The following KDM5A variants were observed in gnomAD, a reference collection of about 807,000 sequenced individuals.
KDM5A encodes lysine demethylase 5A.
A neutral mutation model predicts 193.5 loss-of-function variants in KDM5A; 42 were observed. That is an observed-to-expected ratio of 0.22 (90% confidence interval 0.17 to 0.28). The LOEUF is 0.28. Among genes scored for constraint, KDM5A ranks in the 10% least tolerant of loss-of-function variants. The probability of loss-of-function intolerance (pLI) is 1.00; values close to 1 mark genes in which losing one functional copy is unlikely to be tolerated. For synonymous variants in KDM5A, 796 were observed against 718.1 expected, an observed-to-expected ratio of 1.11 and a Z score of -1.73; for missense variants, 1,692 against 2,055.1, an observed-to-expected ratio of 0.82 and a Z score of 3.42.
chr12:369,355 G>C (rs928066345), intron 3 of KDM5A, among the ~76,000 whole-genome samples: 3 of 152,130 alleles, frequency 2.0e-5, no homozygotes, highest in African/African-American at 7.2e-5. Flanking sequence ...CTAGGTACCT[G>C]GGATACATTT....
intron 27 of KDM5A, among the ~76,000 whole-genome samples, chr12:290,927 GC>G (rs1289468226): frequency 3.9e-5 from 6 of 152,290 alleles, no homozygotes; most frequent in African/African-American, 1.2e-4. Flanking sequence ...ATCCTACCTT[GC>G]TGCTAGTCTT....
chr12:384,288 G>C (rs1174072230), intron 2 of KDM5A, 135 bp from the exon 3 acceptor site: 5 of 703,528 alleles, frequency 7.1e-6, no homozygotes, highest in Non-Finnish European at 1.3e-5. Context: ...CACAGCAGGA[G>C]GTGAGCAGCG....
At chr12:380,050 T>A (rs923545256) in intron 3 of KDM5A, among the ~76,000 whole-genome samples, 1 of 151,918 alleles carries the variant, frequency 6.6e-6, no homozygotes, top group South Asian at 2.1e-4. Context: ...GGGAGATCAC[T>A]TGAGATCAGG....
rs542780495 is a variant in KDM5A, at chr12:314,685, T to C, written c.2898-1491A>G. Among the ~76,000 whole-genome samples the C allele has an allele frequency of 6.6e-5, 10 of 152,242 alleles. No homozygotes were observed. The South Asian group carries it at 2.1e-3, about 32-fold the overall frequency. ...CCCATCCTTTCTGAACAAGACTTAATCTGGAAAGCTGGGGCCAGGGGCAGG... is the reference window on the plus strand; with the variant it reads ...CCCATCCTTTCTGAACAAGACTTAACCTGGAAAGCTGGGGCCAGGGGCAGG... On this transcript the variant is annotated intron_variant, in intron 19 of 27. Coordinates refer to ENST00000399788, the MANE Select transcript of KDM5A (RefSeq NM_001042603.3).
chr12:339,178 CAA>C (rs71687052), intron 10 of KDM5A, among the ~76,000 whole-genome samples: 4,654 of 107,210 alleles, frequency 0.043, 114 homozygotes, highest in Non-Finnish European at 0.062. Flanking sequence ...AACCCCATCT[CAA>C]AAAAAAAAAA....
intron 10 of KDM5A, among the ~76,000 whole-genome samples, chr12:348,130 A>C (rs1329122719): frequency 1.3e-5 from 2 of 152,248 alleles, no homozygotes; most frequent in Admixed American, 6.5e-5. Flanking sequence ...TCTCAAAAGA[A>C]GACATTTATG....
In KDM5A at chr12:350,659, C is replaced by A; in HGVS notation, c.1270G>T (p.Val424Leu). 6.2e-7 allele frequency: 1 copy of A among 1,614,100 alleles called. No individual in the cohort carries two copies. The highest frequency in any genetic ancestry group is 1.7e-5 in the Admixed American group (1 of 60,002). Reference protein sequence around the residue: ...SSKDFGSGFPVKDGRRKILPE... With the variant: ...SSKDFGSGFPLKDGRRKILPE... The stretch of plus-strand genomic sequence containing the variant: ...AGAATCTTTCTCCGCCCATCCTTCA[C>A]CGGAAATCCACTTCCAAAGTCTTTT... The change falls in exon 10 of 28, where the codon GTG becomes TTG. Residue 424 changes from valine (V) to leucine (L), a missense_variant. Coordinates refer to ENST00000399788, the MANE Select transcript of KDM5A (RefSeq NM_001042603.3).
intron 10 of KDM5A, among the ~76,000 whole-genome samples, chr12:348,767 G>C (rs899438284): frequency 6.6e-6 from 1 of 151,970 alleles, no homozygotes; most frequent in Non-Finnish European, 1.5e-5. Flanking sequence ...GTCAGGGGGT[G>C]GGGGGCTGGA....
chr12:302,203 C>G (rs1943450745), intron 24 of KDM5A, among the ~76,000 whole-genome samples: 3 of 152,174 alleles, frequency 2.0e-5, no homozygotes, highest in Admixed American at 2.0e-4. Flanking sequence ...AAAAAAGAGC[C>G]CGCATTGCCA....
chr12:325,911 G>A (rs1009318497), intron 14 of KDM5A, among the ~76,000 whole-genome samples: 2 of 152,168 alleles, frequency 1.3e-5, no homozygotes, highest in East Asian at 1.9e-4. Context: ...CTACCCGGGA[G>A]GCTAAGGCAG....
At chr12:355,839 A>T (rs1474662143) in intron 6 of KDM5A, among the ~76,000 whole-genome samples, 2 of 152,200 alleles carry the variant, frequency 1.3e-5, no homozygotes, top group East Asian at 3.8e-4. Flanking sequence ...CATATAGTCA[A>T]AACATATCCA....
rs16929140 is a variant in KDM5A, at chr12:280,635, G to A, written c.*4821C>T. On this transcript the variant is annotated 3_prime_UTR_variant, in exon 28 of 28. Coordinates refer to ENST00000399788, the MANE Select transcript of KDM5A (RefSeq NM_001042603.3). ...GGGAAAAGGTGCCATTTGCTTCTCT[G>A]AAGTAACTTGGGGTCTGAATTGGTT... 0.028 allele frequency: 6,507 copies of A among 233,120 alleles called. 116 individuals are homozygous for A. Among genetic ancestry groups the A allele is most frequent in the Middle Eastern group, 0.05 (39 of 786 alleles). The allele number at this position is 233,120 out of a possible 1,614,324, so 14.4% of individuals were successfully genotyped here.
At position 334,339 on chromosome 12, in the gene KDM5A, A is replaced by G; in HGVS notation, c.1392T>C (p.Ser464=). Residue 464 remains serine, a synonymous_variant, in exon 11 of 28, where the codon TCT becomes TCC. Transcript: ENST00000399788. ...SVLAHINVDI[S]GMKVPWLYVG... ...CATAGAGCCACGGCACTTTCATACC[A>G]GAGATGTCCACATTAATATGTGCAA... 1 of 1,614,078 alleles carries G rather than the reference A, an allele frequency of 6.2e-7. No homozygotes were observed. Among genetic ancestry groups the G allele is most frequent in the Non-Finnish European group, 8.5e-7 (1 of 1,179,922 alleles).
intron 13 of KDM5A, among the ~76,000 whole-genome samples, chr12:329,543 T>C (rs941099009): frequency 1.3e-5 from 2 of 151,862 alleles, no homozygotes; most frequent in Non-Finnish European, 2.9e-5. Flanking sequence ...GCAATCCACA[T>C]TGGCTGACAT....
In KDM5A at chr12:350,650, C is replaced by T; in HGVS notation, c.1279G>A (p.Gly427Arg). 6.2e-7 allele frequency: 1 copy of T among 1,614,022 alleles called. No individual in the cohort carries two copies. Among genetic ancestry groups the T allele is most frequent in the Non-Finnish European group, 8.5e-7 (1 of 1,179,980 alleles). Reference sequence around the variant, plus strand: ...TCTTCTGGCAGAATCTTTCTCCGCCCATCCTTCACCGGAAATCCACTTCCA... The same window carrying T: ...TCTTCTGGCAGAATCTTTCTCCGCCTATCCTTCACCGGAAATCCACTTCCA... ...DFGSGFPVKD[G>R]RRKILPEEEE... Residue 427 changes from glycine (G) to arginine (R), a missense_variant, in exon 10 of 28, where the codon GGG (glycine) becomes AGG (arginine). Coordinates refer to ENST00000399788, the MANE Select transcript of KDM5A (RefSeq NM_001042603.3).
chr12:372,857 T>C (rs1160011468), intron 3 of KDM5A, among the ~76,000 whole-genome samples: 1 of 152,184 alleles, frequency 6.6e-6, no homozygotes, highest in East Asian at 1.9e-4. Context: ...AATTGTGTGG[T>C]TTTTGTCTTT....
At position 352,180 on chromosome 12, in the gene KDM5A, C is replaced by G. The variant is rs1248877984; in HGVS notation, c.1149+25G>C. 3.7e-6 allele frequency: 6 copies of G among 1,604,662 alleles called. No homozygotes were observed. The South Asian group carries it at 6.6e-5, about 18-fold the overall frequency. The stretch of plus-strand genomic sequence containing the variant: ...AGGTAAATCTTTGTACCTCCCCGGA[C>G]CGACCTAAAAGATAGCTTACTCACA... On this transcript the variant is annotated intron_variant, in intron 9 of 27. Transcript: ENST00000399788.
intron 10 of KDM5A, among the ~76,000 whole-genome samples, chr12:335,604 G>C (rs1276225100): frequency 2.0e-5 from 3 of 152,058 alleles, no homozygotes; most frequent in Non-Finnish European, 4.4e-5. Context: ...TATAATACAA[G>C]TTAAAAATAA....
chr12:308,041 T>C, intron 22 of KDM5A, 36 bp from the exon 23 acceptor site: 8 of 1,581,250 alleles, frequency 5.1e-6, no homozygotes, highest in Non-Finnish European at 6.9e-6. Flanking sequence ...AAAGAGTCAC[T>C]GCAATATACC....
Sources: gnomAD v4.1 joint callset for allele counts (sites outside exome capture counted in the v4.1 genomes callset) on GRCh38, gnomAD v4.1.1 for gene constraint, MANE v1.5 for transcripts, NCBI Gene and HGNC (gene_info 2026-07-23, HGNC 2026-07-21) for gene names.